The following SH3RF3 variants were observed in gnomAD, a reference collection of about 807,000 sequenced individuals.
SH3RF3 encodes the protein E3 ubiquitin-protein ligase SH3RF3.
Under a neutral mutation model 66.3 loss-of-function variants are expected in SH3RF3, and 29 were observed. The observed-to-expected ratio is 0.44, with a 90% confidence interval of 0.33 to 0.60. SH3RF3 has a LOEUF of 0.60. SH3RF3 is among the 20% of genes least tolerant of loss of function. SH3RF3 has a pLI of 0.04. For missense variants in SH3RF3, 1,194 were observed against 1,190.9 expected (o/e 1.00, Z -0.04); for synonymous variants, 583 against 532.0 (o/e 1.10, Z -1.32).
At chr2:109,437,360 G>T (rs1281199956) in intron 7 of SH3RF3, among the ~76,000 whole-genome samples, 1 of 151,736 alleles carries the variant, frequency 6.6e-6, no homozygotes, top group African/African-American at 2.4e-5. Context: ...CATAAAGAAG[G>T]TAAGCACATC....
At chr2:109,430,195 A>G (rs1336549066) in intron 5 of SH3RF3, among the ~76,000 whole-genome samples, 2 of 152,244 alleles carry the variant, frequency 1.3e-5, no homozygotes, top group East Asian at 1.9e-4. Flanking sequence ...ACTGTTGCCC[A>G]TGGCCAGGAG....
At chr2:109,331,324 A>G (rs979703903) in intron 1 of SH3RF3, among the ~76,000 whole-genome samples, 4 of 152,130 alleles carry the variant, frequency 2.6e-5, no homozygotes, top group Non-Finnish European at 4.4e-5. Flanking sequence ...TTTGCAATCA[A>G]TTAACAGCCA....
At chr2:109,493,899 TCTC>T (rs893297398) in intron 9 of SH3RF3, among the ~76,000 whole-genome samples, 83 of 152,188 alleles carry the variant, frequency 5.5e-4, no homozygotes, top group African/African-American at 2.0e-3. Context: ...TCTTTCCTTC[TCTC>T]CTCCTCCTCC....
At chr2:109,427,222 G>T (rs543337033) in intron 5 of SH3RF3, among the ~76,000 whole-genome samples, 213 of 152,220 alleles carry the variant, frequency 1.4e-3, no homozygotes, top group African/African-American at 5.0e-3. Flanking sequence ...ACCTGCCTCA[G>T]GCTACCAAAG....
rs1677418430 is a variant in SH3RF3, at chr2:109,436,962, A to T, written c.1644A>T (p.Ile548=). 6.2e-7 allele frequency: 1 copy of T among 1,613,738 alleles called. No individual in the cohort carries two copies. Among genetic ancestry groups the T allele is most frequent in the Non-Finnish European group, 8.5e-7 (1 of 1,179,896 alleles). Residue 548 remains isoleucine (I), a synonymous_variant, in exon 7 of 10, where the codon ATA becomes ATT. Coordinates refer to ENST00000309415, the MANE Select transcript of SH3RF3 (RefSeq NM_001099289.3). The part of the protein sequence containing the change: ...VVGGSPLAKG[I]TTTMHPGSGS... ...GAGGGTCTCCACTGGCCAAAGGGAT[A>T]ACCACAACCATGCACCCAGGCAGTG... is the stretch of plus-strand genomic sequence containing the variant.
intron 1 of SH3RF3, among the ~76,000 whole-genome samples, chr2:109,255,495 T>G (rs916934050): frequency 4.6e-5 from 7 of 152,256 alleles, no homozygotes; most frequent in African/African-American, 1.7e-4. Context: ...ACTGGGTATC[T>G]TTATTCACAG....
intron 8 of SH3RF3, among the ~76,000 whole-genome samples, chr2:109,486,133 C>T (rs747042684): frequency 2.6e-5 from 4 of 152,236 alleles, no homozygotes; most frequent in Non-Finnish European, 5.9e-5. Context: ...AAGGAGCTGA[C>T]CCCTTCTCTG....
In SH3RF3 at chr2:109,481,200, C is replaced by G. The variant is rs571048832; in HGVS notation, c.2149-9405C>G. Among the ~76,000 whole-genome samples the G allele has an allele frequency of 7.2e-5, 11 of 152,318 alleles. No homozygotes were observed. The South Asian group carries it at 2.3e-3, about 32-fold the overall frequency. On this transcript the variant is annotated intron_variant, in intron 8 of 9. Coordinates refer to ENST00000309415, the MANE Select transcript of SH3RF3 (RefSeq NM_001099289.3). ...GAGAGGTGAGGGGGAGGCCGGGGCC[C>G]TGCAGACGTCAGGTTGGGTGGCGAG...
intron 3 of SH3RF3, among the ~76,000 whole-genome samples, chr2:109,381,560 C>T (rs560886238): frequency 2.6e-4 from 40 of 152,144 alleles, no homozygotes; most frequent in African/African-American, 8.2e-4. Context: ...TCCAGTCCCC[C>T]GGGCTTCCAT....
chr2:109,193,583 C>A (rs2105031558), intron 1 of SH3RF3, among the ~76,000 whole-genome samples: 1 of 152,236 alleles, frequency 6.6e-6, no homozygotes, highest in African/African-American at 2.4e-5. Context: ...ATGTGCCATT[C>A]ATTTTTTTAA....
chr2:109,291,572 G>C (rs1681183621), intron 1 of SH3RF3, among the ~76,000 whole-genome samples: 2 of 152,236 alleles, frequency 1.3e-5, no homozygotes, highest in African/African-American at 4.8e-5. Flanking sequence ...AGAAGCTCCT[G>C]CCACTGTCCC....
intron 8 of SH3RF3, among the ~76,000 whole-genome samples, chr2:109,472,042 C>T (rs1006093900): frequency 5.9e-5 from 9 of 152,304 alleles, no homozygotes; most frequent in East Asian, 3.9e-4. Context: ...ACAGTGTGCA[C>T]CTGGATTCTG....
chr2:109,206,887 C>T lies in SH3RF3; in HGVS notation c.573+76774C>T, dbSNP rs187236384. Among the ~76,000 whole-genome samples, 415 of 152,350 alleles carry T rather than the reference C, an allele frequency of 2.7e-3. 4 individuals carry two copies. The highest frequency in any genetic ancestry group is 9.6e-3 in the African/African-American group (398 of 41,574). On this transcript the variant is annotated intron_variant, in intron 1 of 9. Coordinates refer to ENST00000309415, the MANE Select transcript of SH3RF3 (RefSeq NM_001099289.3). ...TGACTGAGCATTCTCAGTGCCCCTT[C>T]TGCCCAGTCATGGGCCATAAGCTTG...
At chr2:109,153,366 T>G (rs1417062586) in intron 1 of SH3RF3, among the ~76,000 whole-genome samples, 2 of 152,192 alleles carry the variant, frequency 1.3e-5, no homozygotes, top group African/African-American at 4.8e-5. Flanking sequence ...TTAAAAAAAT[T>G]TGTATTTTTG....
chr2:109,465,481 A>G (rs1678316457), intron 8 of SH3RF3, among the ~76,000 whole-genome samples: 1 of 152,020 alleles, frequency 6.6e-6, no homozygotes, highest in Non-Finnish European at 1.5e-5. Flanking sequence ...TCATATCCTC[A>G]CCAGCATTCA....
intron 1 of SH3RF3, among the ~76,000 whole-genome samples, chr2:109,142,044 G>T (rs373568978): frequency 1.4e-4 from 6 of 43,012 alleles, no homozygotes; most frequent in African/African-American, 2.6e-4. Context: ...TGAGTCTCCT[G>T]GGGGGGGGGT....
intron 8 of SH3RF3, among the ~76,000 whole-genome samples, chr2:109,488,955 C>T (rs145096174): frequency 0.012 from 1,817 of 152,328 alleles, 21 homozygotes; most frequent in East Asian, 0.049. Context: ...TGGGCCGCCT[C>T]TTCCTCCTGA....
At chr2:109,390,645 C>T (rs756606938) in intron 3 of SH3RF3, among the ~76,000 whole-genome samples, 2 of 152,120 alleles carry the variant, frequency 1.3e-5, no homozygotes, top group African/African-American at 2.4e-5. Flanking sequence ...AGTGGGGGTG[C>T]GGTCGGCATT....
chr2:109,279,440 G>C (rs1680832606), intron 1 of SH3RF3, among the ~76,000 whole-genome samples: 1 of 152,166 alleles, frequency 6.6e-6, no homozygotes, highest in South Asian at 2.1e-4. Flanking sequence ...TGTCTACTGG[G>C]TCTTCCTCCA....
Sources: allele counts gnomAD v4.1 joint callset (sites outside exome capture counted in the v4.1 genomes callset), GRCh38; gene constraint gnomAD v4.1.1; transcripts MANE v1.5; gene names NCBI Gene and HGNC (gene_info 2026-07-23, HGNC 2026-07-21).